The following EDARADD variants were observed in gnomAD, a reference collection of about 807,000 sequenced individuals.
EDARADD encodes the protein EDAR associated via death domain, also known as ectodysplasin-A receptor-associated adapter protein.
EDARADD carries 20 observed loss-of-function variants against 25.6 expected under a neutral mutation model. The observed-to-expected ratio is 0.78, with a 90% CI of 0.55 to 1.14. EDARADD has a LOEUF of 1.14. Ranked by LOEUF, EDARADD falls within the 50% of genes most tolerant of loss-of-function variation. The pLI, the probability that EDARADD is intolerant of heterozygous loss-of-function variation, is 0.00. For missense variants in EDARADD, 225 were observed against 270.1 expected, an observed-to-expected ratio of 0.83 and a Z score of 1.17; for synonymous variants, 86 against 94.4, an observed-to-expected ratio of 0.91 and a Z score of 0.52.
chr1:236,380,836 G>A (rs1410095196), intron 3 of EDARADD, among the ~76,000 whole-genome samples: 6 of 152,114 alleles, frequency 3.9e-5, no homozygotes, highest in African/African-American at 9.7e-5. Flanking sequence ...TGATCTTCTC[G>A]ACTCAGCCTC....
At chr1:236,456,734 C>T (rs1658878792) in intron 4 of EDARADD, among the ~76,000 whole-genome samples, 1 of 132,930 alleles carries the variant, frequency 7.5e-6, no homozygotes, top group African/African-American at 2.7e-5. Context: ...CCCCCTCACT[C>T]CCTCTGCACC....
chr1:236,441,946 G>A (rs371959906), intron 4 of EDARADD, among the ~76,000 whole-genome samples: 92 of 152,226 alleles, frequency 6.0e-4, no homozygotes, highest in Non-Finnish European at 1.2e-3. Flanking sequence ...AGTCATCTCC[G>A]TAACATAAAA....
At chr1:236,457,400 A>C (rs978695165) in intron 4 of EDARADD, among the ~76,000 whole-genome samples, 1 of 152,116 alleles carries the variant, frequency 6.6e-6, no homozygotes, top group Admixed American at 6.6e-5. Context: ...CTGTAGTCGC[A>C]GCTACTCGGG....
intron 3 of EDARADD, among the ~76,000 whole-genome samples, chr1:236,380,094 T>G (rs1246707390): frequency 6.6e-6 from 1 of 152,248 alleles, no homozygotes; most frequent in East Asian, 1.9e-4. Context: ...TTCCATTTCC[T>G]TGTTGCTTTC....
At chr1:236,481,778 CAAAAAA>C (rs36104533) in intron 5 of EDARADD, among the ~76,000 whole-genome samples, 1 of 93,312 alleles carries the variant, frequency 1.1e-5, no homozygotes. Context: ...CACCCTGTAT[CAAAAAA>C]AAAAAAAAAA....
rs115609088 is a variant in EDARADD, at chr1:236,480,967, C to T, written c.266-1300C>T. On this transcript the variant is annotated intron_variant, in intron 5 of 5. Coordinates refer to ENST00000334232, the MANE Select transcript of EDARADD (RefSeq NM_145861.4). ...TGCTGAGTTTTCTGCCTCTTTCCCTCCCACTGCACACACCCCAGGGTGTTG... is the reference window on the plus strand; with the variant it reads ...TGCTGAGTTTTCTGCCTCTTTCCCTTCCACTGCACACACCCCAGGGTGTTG... Among the ~76,000 whole-genome samples the T allele has an allele frequency of 7.0e-3, 1,061 of 152,308 alleles. 19 individuals are homozygous for T. Among genetic ancestry groups the T allele is most frequent in the African/African-American group, 0.024 (1,017 of 41,550 alleles).
At chr1:236,469,366 C>T (rs746028084) in intron 5 of EDARADD, among the ~76,000 whole-genome samples, 6 of 151,888 alleles carry the variant, frequency 4.0e-5, no homozygotes, top group South Asian at 2.1e-4. Flanking sequence ...CTGAGCTACT[C>T]GGGAGGCTGA....
Position 236,395,534 on chromosome 1 carries a change from C to T in EDARADD, c.61+1029C>T. ...ACGGTTTGCTCCAGGCGCGTCGGAA[C>T]CGCAGGACTTTTCATCCCCGTGGTC... On this transcript the variant is annotated intron_variant, in intron 1 of 5. Coordinates refer to ENST00000334232, the MANE Select transcript of EDARADD (RefSeq NM_145861.4). The surrounding 1 kb of genome is among the most constrained non-coding windows in gnomAD (Gnocchi z 6.9). 3 of 1,536,904 alleles carry T rather than the reference C, an allele frequency of 2.0e-6. No individual in the cohort carries two copies. The highest frequency in any genetic ancestry group is 2.6e-6 in the Non-Finnish European group (3 of 1,145,728).
intron 4 of EDARADD, among the ~76,000 whole-genome samples, chr1:236,442,320 C>G (rs1362431295): frequency 6.6e-6 from 1 of 151,972 alleles, no homozygotes; most frequent in Non-Finnish European, 1.5e-5. Flanking sequence ...GAGACAGGGT[C>G]TCACCATGTT....
intron 4 of EDARADD, among the ~76,000 whole-genome samples, chr1:236,460,816 T>G (rs1659018299): frequency 1.4e-5 from 2 of 147,608 alleles, no homozygotes; most frequent in Non-Finnish European, 3.0e-5. Flanking sequence ...GAAAGTTTTG[T>G]GGGGTTTTTT....
At chr1:236,383,085 C>T (rs892004126) in intron 3 of EDARADD, among the ~76,000 whole-genome samples, 17 of 151,988 alleles carry the variant, frequency 1.1e-4, no homozygotes, top group African/African-American at 3.9e-4. Flanking sequence ...CCTTTCTCTG[C>T]GCTGCAACTT....
chr1:236,479,260 C>A (rs1223098186), intron 5 of EDARADD, among the ~76,000 whole-genome samples: 1 of 152,086 alleles, frequency 6.6e-6, no homozygotes, highest in Non-Finnish European at 1.5e-5. Flanking sequence ...ATTCGAGAGG[C>A]TGAGGCAGGA....
intron 3 of EDARADD, among the ~76,000 whole-genome samples, chr1:236,357,561 T>C (rs1346492939): frequency 1.3e-5 from 2 of 152,154 alleles, no homozygotes; most frequent in Non-Finnish European, 2.9e-5. Flanking sequence ...CAGCATCTGC[T>C]TGGCTTCTGG....
At chr1:236,433,818 C>T (rs1011624587) in intron 4 of EDARADD, among the ~76,000 whole-genome samples, 3 of 151,122 alleles carry the variant, frequency 2.0e-5, no homozygotes, top group Non-Finnish European at 4.4e-5. Flanking sequence ...TGTGGTAAGC[C>T]GATATCGCAC....
At chr1:236,436,281 C>A (rs758487263) in intron 4 of EDARADD, among the ~76,000 whole-genome samples, 2 of 151,972 alleles carry the variant, frequency 1.3e-5, no homozygotes, top group Non-Finnish European at 2.9e-5. Flanking sequence ...CCTCAGCCCC[C>A]GAGTAGCTCG....
chr1:236,392,109 G>A (rs139626682), upstream of EDARADD, among the ~76,000 whole-genome samples: 224 of 152,280 alleles, frequency 1.5e-3, 1 homozygote, highest in African/African-American at 5.0e-3. Flanking sequence ...ATTTTGTTTT[G>A]TTCATGGGGA....
intron 3 of EDARADD, among the ~76,000 whole-genome samples, chr1:236,371,338 T>C (rs1667169944): frequency 6.6e-6 from 1 of 152,202 alleles, no homozygotes; most frequent in African/African-American, 2.4e-5. Context: ...TGTCATTGAA[T>C]ATTTCAGATT....
chr1:236,366,741 C>CTCTTTTTTTTTTTT lies in EDARADD; in HGVS notation c.-6+15903_-6+15904insCTTTTTTTTTTTTT, dbSNP rs146073425. On this transcript the variant is annotated intron_variant, in intron 3 of 7. Coordinates refer to the EDARADD transcript ENST00000439430. ...CCTGGGTCAGAGAGCTCATCTCTCT[C>CTCTTTTTTTTTTTT]TTTTTTTTGTCTCTCAGGGATCATT... Among the ~76,000 whole-genome samples, 162 of 144,214 alleles carry CTCTTTTTTTTTTTT rather than the reference C, an allele frequency of 1.1e-3. 1 individual carries two copies. Among genetic ancestry groups the CTCTTTTTTTTTTTT allele is most frequent in the African/African-American group, 3.3e-3 (133 of 39,746 alleles). 94.6% of individuals were successfully genotyped at this position (144,214 alleles called of 152,430 possible). A position where few individuals can be genotyped will look rare whatever the true frequency, so the allele number is the denominator to read the frequency against.
At chr1:236,420,326 A>G (rs1434378695) in intron 3 of EDARADD, among the ~76,000 whole-genome samples, 1 of 152,240 alleles carries the variant, frequency 6.6e-6, no homozygotes, top group African/African-American at 2.4e-5. Flanking sequence ...AACTTTAAAC[A>G]TTTACATGGT....
Sources: allele counts gnomAD v4.1 joint callset (sites outside exome capture counted in the v4.1 genomes callset), GRCh38; gene constraint gnomAD v4.1.1; non-coding constraint Gnocchi (gnomAD v3.1); transcripts MANE v1.5; gene names NCBI Gene and HGNC (gene_info 2026-07-23, HGNC 2026-07-21).